SLC9A8: variants seen among roughly 807,000 people sequenced by gnomAD.
SLC9A8 encodes the protein sodium/hydrogen exchanger 8.
SLC9A8 carries 48 observed loss-of-function variants against 66.6 expected under a neutral mutation model. The ratio of observed to expected loss-of-function variants is 0.72; its 90% CI spans 0.57 to 0.92. The LOEUF is 0.92. SLC9A8 is among the 40% of genes least tolerant of loss of function. The probability of loss-of-function intolerance (pLI) is 0.00; values close to 1 mark genes in which losing one functional copy is unlikely to be tolerated. For synonymous variants in SLC9A8, 274 were observed against 282.6 expected, an observed-to-expected ratio of 0.97 and a Z score of 0.31; for missense variants, 599 against 747.3, an observed-to-expected ratio of 0.80 and a Z score of 2.31.
At chr20:49,868,426 C>T (rs536251433) in intron 10 of SLC9A8, among the ~76,000 whole-genome samples, 50 of 152,324 alleles carry the variant, frequency 3.3e-4, no homozygotes, top group African/African-American at 1.1e-3. Flanking sequence ...GGTGTGTGGA[C>T]GCCCCACATT....
At chr20:49,833,266 CT>C (rs1411291353) in intron 3 of SLC9A8, among the ~76,000 whole-genome samples, 1 of 152,024 alleles carries the variant, frequency 6.6e-6, no homozygotes, top group Non-Finnish European at 1.5e-5. Flanking sequence ...CAGCACTTCC[CT>C]TTTTTTCCCT....
intron 3 of SLC9A8, chr20:49,829,522 C>CAA (rs796458184): frequency 4.3e-4 from 101 of 232,610 alleles, no homozygotes; most frequent in South Asian, 7.0e-4. Flanking sequence ...GACTCCATCT[C>CAA]AAAAAAAAAA....
At chr20:49,884,289 G>GACACACACACACGACACACACACAC in intron 14 of SLC9A8, 1 of 36,862 alleles carries the variant, frequency 2.7e-5, no homozygotes, top group Non-Finnish European at 5.6e-5. Context: ...ACACACACAC[G>GACACACACACACGACACACACACAC]ACACACACAC....
chr20:49,826,577 A>G (rs1362831124), intron 3 of SLC9A8, among the ~76,000 whole-genome samples: 1 of 152,126 alleles, frequency 6.6e-6, no homozygotes, highest in Non-Finnish European at 1.5e-5. Context: ...CCCTCCTTCT[A>G]CCTTACTGTA....
At chr20:49,813,040 G>C (rs2086411341) in intron 1 of SLC9A8, 92 bp downstream of exon 1, 1 of 1,177,162 alleles carries the variant, frequency 8.5e-7, no homozygotes, top group Non-Finnish European at 1.1e-6. Context: ...GGCCCCGGAA[G>C]GCGGAGCTTC....
intron 2 of SLC9A8, among the ~76,000 whole-genome samples, chr20:49,820,772 C>T (rs541301925): frequency 3.9e-5 from 6 of 152,040 alleles, no homozygotes; most frequent in East Asian, 1.9e-4. Context: ...TCTTGAACTC[C>T]GACCTCAGGT....
At chr20:49,845,485 G>T (rs2087944767) in intron 5 of SLC9A8, among the ~76,000 whole-genome samples, 1 of 152,166 alleles carries the variant, frequency 6.6e-6, no homozygotes, top group Non-Finnish European at 1.5e-5. Context: ...GGACGACGGG[G>T]ACATGTGCCC....
chr20:49,872,233 A>G (rs1289575952), intron 10 of SLC9A8, among the ~76,000 whole-genome samples: 1 of 152,182 alleles, frequency 6.6e-6, no homozygotes, highest in Non-Finnish European at 1.5e-5. Flanking sequence ...TGTGTCTTAC[A>G]GGAAGCATGG....
At position 49,849,787 on chromosome 20, in the gene SLC9A8, C is replaced by G. The variant is rs6012756; in HGVS notation, c.534+107C>G. ...CACTTTGTGGGGCCTGGGTTTCACC[C>G]TTAAGGTAAATTCCTTCTGGAAGGA... On this transcript the variant is annotated intron_variant, in intron 6 of 15. Coordinates refer to ENST00000361573, the MANE Select transcript of SLC9A8 (RefSeq NM_015266.3). 25 of 848,026 alleles carry G rather than the reference C, an allele frequency of 2.9e-5. No individual in the cohort carries two copies. In the Middle Eastern group the frequency reaches 8.9e-4, roughly 30 times the overall value. The allele number at this position is 848,026 out of a possible 1,614,324, so 52.5% of individuals were successfully genotyped here. A position where few individuals can be genotyped will look rare whatever the true frequency, so the allele number is the denominator to read the frequency against.
intron 11 of SLC9A8, among the ~76,000 whole-genome samples, chr20:49,875,293 AAAG>A (rs1367286071): frequency 9.3e-5 from 14 of 151,130 alleles, no homozygotes; most frequent in Non-Finnish European, 1.6e-4. Flanking sequence ...AAAAAAAAAG[AAAG>A]AAAGAAAAAC....
chr20:49,858,191 G>T (rs1028476792), intron 8 of SLC9A8, among the ~76,000 whole-genome samples: 8 of 151,626 alleles, frequency 5.3e-5, no homozygotes, highest in African/African-American at 1.9e-4. Flanking sequence ...CCTTTTTCTG[G>T]GTTTACTATG....
At chr20:49,849,168 G>C (rs1282794782) in intron 5 of SLC9A8, among the ~76,000 whole-genome samples, 1 of 152,160 alleles carries the variant, frequency 6.6e-6, no homozygotes, top group Non-Finnish European at 1.5e-5. Flanking sequence ...AGGCGAGCAT[G>C]GTGCCAGATG....
intron 12 of SLC9A8, among the ~76,000 whole-genome samples, chr20:49,878,839 GA>G (rs940141528): frequency 1.3e-5 from 2 of 152,128 alleles, no homozygotes; most frequent in African/African-American, 4.8e-5. Context: ...CAAACATGGT[GA>G]AACCCCATCT....
intron 10 of SLC9A8, among the ~76,000 whole-genome samples, chr20:49,866,741 G>C (rs1201871890): frequency 1.3e-5 from 2 of 152,000 alleles, no homozygotes; most frequent in East Asian, 3.8e-4. Flanking sequence ...TGAGACTTCA[G>C]TTTACTCCAG....
intron 6 of SLC9A8, 115 bp downstream of exon 6, chr20:49,849,795 A>G (rs2088173051): frequency 1.0e-5 from 8 of 793,492 alleles, no homozygotes; most frequent in Non-Finnish European, 1.7e-5. Flanking sequence ...CCCTTAAGGT[A>G]AATTCCTTCT....
At chr20:49,867,703 C>T (rs751254792) in intron 10 of SLC9A8, among the ~76,000 whole-genome samples, 2 of 152,122 alleles carry the variant, frequency 1.3e-5, no homozygotes, top group South Asian at 2.1e-4. Flanking sequence ...GTCTCCCTTC[C>T]GGCAGGAATC....
At chr20:49,877,138 A>C (rs1292079888) in intron 11 of SLC9A8, among the ~76,000 whole-genome samples, 9 of 151,504 alleles carry the variant, frequency 5.9e-5, no homozygotes, top group African/African-American at 2.2e-4. Context: ...AAAAAAAAAA[A>C]AAAAAAATAG....
rs2086399417 is a variant in SLC9A8, at chr20:49,812,893, C to G, written c.-30C>G. 6.7e-7 allele frequency: 1 copy of G among 1,496,780 alleles called. No homozygotes were observed. Among genetic ancestry groups the G allele is most frequent in the Admixed American group, 2.2e-5 (1 of 46,362 alleles). 92.7% of individuals were successfully genotyped at this position (1,496,780 alleles called of 1,614,324 possible). A position where few individuals can be genotyped will look rare whatever the true frequency, so the allele number is the denominator to read the frequency against. ...GCGGGTCCTGCTAGCCCCGCGGCTCCGAACTCGGTGGTCCTGGAAGCTCCG... is the reference window on the plus strand; with the variant it reads ...GCGGGTCCTGCTAGCCCCGCGGCTCGGAACTCGGTGGTCCTGGAAGCTCCG... On this transcript the variant is annotated 5_prime_UTR_variant, in exon 1 of 16. Coordinates refer to ENST00000361573, the MANE Select transcript of SLC9A8 (RefSeq NM_015266.3).
chr20:49,844,357 A>G (rs1181211876), intron 4 of SLC9A8, among the ~76,000 whole-genome samples: 1 of 152,132 alleles, frequency 6.6e-6, no homozygotes, highest in East Asian at 1.9e-4. Context: ...GAGGATTCCA[A>G]TTTGTGGAGT....
Sources: gnomAD v4.1 joint callset for allele counts (sites outside exome capture counted in the v4.1 genomes callset) on GRCh38, gnomAD v4.1.1 for gene constraint, MANE v1.5 for transcripts, NCBI Gene and HGNC (gene_info 2026-07-23, HGNC 2026-07-21) for gene names.